CNGB3: variants seen among roughly 807,000 people sequenced by gnomAD.
CNGB3 encodes cyclic nucleotide gated channel subunit beta 3, also known as cyclic nucleotide-gated channel beta-3.
Under a neutral mutation model 92.8 loss-of-function variants are expected in CNGB3, and 86 were observed. The observed-to-expected ratio is 0.93, with a 90% CI of 0.78 to 1.11. The LOEUF (loss-of-function observed/expected upper bound fraction) is 1.11, where lower values mean the gene tolerates loss of function less well. CNGB3 is among the 50% of genes least tolerant of loss of function. CNGB3 has a pLI of 0.00. For missense variants in CNGB3, 1,026 were observed against 956.8 expected, an observed-to-expected ratio of 1.07 and a Z score of -0.95; for synonymous variants, 333 against 332.7, an observed-to-expected ratio of 1.00 and a Z score of -0.01.
intron 10 of CNGB3, among the ~76,000 whole-genome samples, chr8:86,639,735 A>T (rs1027020998): frequency 2.0e-5 from 3 of 152,126 alleles, no homozygotes; most frequent in Admixed American, 1.3e-4. Flanking sequence ...TAACTGACAT[A>T]TGCAAATTAT....
intron 10 of CNGB3, among the ~76,000 whole-genome samples, chr8:86,635,000 C>G (rs34464077): frequency 0.081 from 12,053 of 148,938 alleles, 533 homozygotes; most frequent in African/African-American, 0.11. Context: ...GTTATAGGAA[C>G]AGAAAAAATA....
chr8:86,681,851 A>G (rs777024805), intron 3 of CNGB3, among the ~76,000 whole-genome samples: 2 of 152,172 alleles, frequency 1.3e-5, no homozygotes, highest in African/African-American at 2.4e-5. Context: ...TTTGAACTCC[A>G]TATTGCCAAA....
chr8:86,626,287 A>G (rs1822847109), intron 12 of CNGB3, among the ~76,000 whole-genome samples: 1 of 152,188 alleles, frequency 6.6e-6, no homozygotes, highest in South Asian at 2.1e-4. Flanking sequence ...ATGCAATAAA[A>G]GAAGTATTTT....
intron 2 of CNGB3, among the ~76,000 whole-genome samples, chr8:86,731,480 T>A (rs1825154452): frequency 6.6e-6 from 1 of 152,178 alleles, no homozygotes; most frequent in Non-Finnish European, 1.5e-5. Context: ...AGAACGTGGA[T>A]CCATCTAAGT....
chr8:86,621,358 A>C (rs1035464078), intron 13 of CNGB3, among the ~76,000 whole-genome samples: 1 of 152,234 alleles, frequency 6.6e-6, no homozygotes, highest in Non-Finnish European at 1.5e-5. Flanking sequence ...CTTAGTACAC[A>C]CATAAATATG....
chr8:86,723,310 G>A (rs1296079574), intron 3 of CNGB3, among the ~76,000 whole-genome samples: 2 of 151,954 alleles, frequency 1.3e-5, no homozygotes, highest in Non-Finnish European at 2.9e-5. Context: ...AAAAATTGAG[G>A]TGACAGCTGG....
At chr8:86,637,520 G>A (rs867140579) in intron 10 of CNGB3, among the ~76,000 whole-genome samples, 3 of 152,166 alleles carry the variant, frequency 2.0e-5, no homozygotes, top group South Asian at 2.1e-4. Context: ...GATAGGGATT[G>A]CATTGAATTT....
chr8:86,705,536 G>A (rs1561689), intron 3 of CNGB3, among the ~76,000 whole-genome samples: 1 of 151,722 alleles, frequency 6.6e-6, no homozygotes, highest in Non-Finnish European at 1.5e-5. Context: ...TATCTGGGTG[G>A]GCCCAATATA....
intron 13 of CNGB3, among the ~76,000 whole-genome samples, chr8:86,615,131 C>G (rs1032325142): frequency 6.6e-6 from 1 of 152,034 alleles, no homozygotes; most frequent in African/African-American, 2.4e-5. Context: ...AGGTGATATG[C>G]AAATACTATG....
chr8:86,625,959 T>TCTATTAATTGTAAAAGCA, intron 13 of CNGB3, 24 bp downstream of exon 13: 1 of 1,556,288 alleles, frequency 6.4e-7, no homozygotes, highest in Non-Finnish European at 8.9e-7. Context: ...AGATACAGAG[T>TCTATTAATTGTAAAAGCA]CTATTAATTG....
At chr8:86,658,921 G>A in intron 6 of CNGB3, 1 of 987,502 alleles carries the variant, frequency 1.0e-6, no homozygotes. Flanking sequence ...AGCTCCAGCA[G>A]CCTCTCCTCC....
chr8:86,700,005 C>G (rs1008629674), intron 3 of CNGB3, among the ~76,000 whole-genome samples: 9 of 152,144 alleles, frequency 5.9e-5, no homozygotes, highest in African/African-American at 1.9e-4. Flanking sequence ...ATGGCAAGAC[C>G]CCCACAAAAT....
intron 15 of CNGB3, among the ~76,000 whole-genome samples, chr8:86,596,413 A>G (rs1822172102): frequency 6.7e-6 from 1 of 150,212 alleles, no homozygotes; most frequent in Non-Finnish European, 1.5e-5. Flanking sequence ...AATAAAATAA[A>G]ACAAAGTAAT....
intron 2 of CNGB3, among the ~76,000 whole-genome samples, chr8:86,727,477 C>T (rs116678979): frequency 0.017 from 2,615 of 152,080 alleles, 69 homozygotes; most frequent in African/African-American, 0.06. Flanking sequence ...TATTTTCTGA[C>T]GAAATGATAC....
chr8:86,711,425 T>C (rs1824748012), intron 3 of CNGB3, among the ~76,000 whole-genome samples: 1 of 152,174 alleles, frequency 6.6e-6, no homozygotes, highest in Non-Finnish European at 1.5e-5. Flanking sequence ...TTTTTGAAAG[T>C]CTTCATTTAA....
At chr8:86,704,764 T>G (rs950648822) in intron 3 of CNGB3, among the ~76,000 whole-genome samples, 8 of 152,226 alleles carry the variant, frequency 5.3e-5, no homozygotes, top group Non-Finnish European at 1.0e-4. Flanking sequence ...TAAATTATAA[T>G]CTAAATTGAA....
At chr8:86,736,989 T>C (rs2131681489) in intron 2 of CNGB3, among the ~76,000 whole-genome samples, 1 of 152,318 alleles carries the variant, frequency 6.6e-6, no homozygotes, top group African/African-American at 2.4e-5. Context: ...GAAAAATATA[T>C]TGTAGAACAC....
chr8:86,654,205 C>G (rs1554612819), intron 6 of CNGB3, 143 bp from the exon 7 acceptor site: 1 of 664,228 alleles, frequency 1.5e-6, no homozygotes, highest in Admixed American at 2.5e-5. Context: ...GGTATTAAAA[C>G]AAAAAATGTT....
At position 86,656,174 on chromosome 8, in the gene CNGB3, C is replaced by T. The variant is rs540012586; in HGVS notation, c.853-2112G>A. Among the ~76,000 whole-genome samples, 28 of 152,204 alleles carry T rather than the reference C, an allele frequency of 1.8e-4. No individual in the cohort carries two copies. In the South Asian group the frequency reaches 3.7e-3, roughly 20 times the overall value. Reference sequence around the variant, plus strand: ...ACTGAGCCATGGGTAGACATAGATACGGCTTCAAATAAATAGTGTTATAAA... The same window carrying T: ...ACTGAGCCATGGGTAGACATAGATATGGCTTCAAATAAATAGTGTTATAAA... On this transcript the variant is annotated intron_variant, in intron 6 of 17. Transcript: ENST00000320005.
Sources: allele counts gnomAD v4.1 joint callset (sites outside exome capture counted in the v4.1 genomes callset), GRCh38; gene constraint gnomAD v4.1.1; transcripts MANE v1.5; gene names NCBI Gene and HGNC (gene_info 2026-07-23, HGNC 2026-07-21).